The following N4BP2L2 variants were observed in gnomAD, a reference collection of about 807,000 sequenced individuals.
The protein encoded by N4BP2L2 is NEDD4 binding protein 2 like 2.
A neutral mutation model predicts 56.2 loss-of-function variants in N4BP2L2; 50 were observed. That is an observed-to-expected ratio of 0.89 (90% CI 0.71 to 1.13). The LOEUF is 1.13. Among genes scored for constraint, N4BP2L2 ranks in the 50% most tolerant of loss-of-function variants. The probability of loss-of-function intolerance (pLI) is 0.00; values close to 1 mark genes in which losing one functional copy is unlikely to be tolerated. For missense variants in N4BP2L2, 689 were observed against 693.8 expected (o/e 0.99, Z 0.08); for synonymous variants, 203 against 223.6 (o/e 0.91, Z 0.82).
intron 5 of N4BP2L2, among the ~76,000 whole-genome samples, chr13:32,520,760 T>G (rs1442084935): frequency 6.6e-6 from 1 of 151,898 alleles, no homozygotes; most frequent in East Asian, 1.9e-4. Flanking sequence ...GAGTTAGGAC[T>G]GAAAATAGAA....
intron 6 of N4BP2L2, among the ~76,000 whole-genome samples, chr13:32,487,891 T>G (rs550667277): frequency 2.0e-5 from 3 of 152,036 alleles, no homozygotes; most frequent in Admixed American, 6.6e-5. Flanking sequence ...GAGTTTTCGC[T>G]CTTGTTGCCC....
chr13:32,441,737 AT>A (rs1396666647), intron 7 of N4BP2L2, among the ~76,000 whole-genome samples: 75 of 147,130 alleles, frequency 5.1e-4, no homozygotes, highest in African/African-American at 1.7e-3. Flanking sequence ...ATAAATAAAT[AT>A]AAAAAAAGAA....
chr13:32,504,054 C>A (rs2090497140), intron 6 of N4BP2L2, among the ~76,000 whole-genome samples: 1 of 152,058 alleles, frequency 6.6e-6, no homozygotes, highest in Non-Finnish European at 1.5e-5. Context: ...AACCTGGGGT[C>A]CCCTGATGTA....
chr13:32,509,831 AAACTCC>A (rs2091494900), downstream of N4BP2L2, among the ~76,000 whole-genome samples: 1 of 152,182 alleles, frequency 6.6e-6, no homozygotes, highest in Non-Finnish European at 1.5e-5. Flanking sequence ...TTCTAAACAA[AAACTCC>A]AACTCTAACA....
exon 7 of N4BP2L2, chr13:32,443,358 A>T: frequency 6.2e-7 from 1 of 1,614,028 alleles, no homozygotes; most frequent in Non-Finnish European, 8.5e-7. Flanking sequence ...ATATAAACTT[A>T]TGAGGTCCTG....
chr13:32,481,477 A>G (rs2084735374), intron 6 of N4BP2L2, among the ~76,000 whole-genome samples: 1 of 152,150 alleles, frequency 6.6e-6, no homozygotes, highest in Admixed American at 6.5e-5. Context: ...CTCCACCCCA[A>G]GCTGATTACC....
chr13:32,482,416 C>T (rs981138871), intron 6 of N4BP2L2, among the ~76,000 whole-genome samples: 1 of 152,172 alleles, frequency 6.6e-6, no homozygotes, highest in Non-Finnish European at 1.5e-5. Context: ...AGCTGGAGTA[C>T]AGTAGTGCCA....
chr13:32,531,217 C>T (rs1208493417), intron 2 of N4BP2L2, among the ~76,000 whole-genome samples: 1 of 152,168 alleles, frequency 6.6e-6, no homozygotes, highest in Admixed American at 6.5e-5. Context: ...TAACTATAAC[C>T]AGAGTCCAGA....
At chr13:32,529,789 G>C (rs529007982) in intron 2 of N4BP2L2, among the ~76,000 whole-genome samples, 1 of 148,526 alleles carries the variant, frequency 6.7e-6, no homozygotes, top group African/African-American at 2.5e-5. Context: ...GCAGTGGTGT[G>C]ATCTCGGCTC....
intron 5 of N4BP2L2, among the ~76,000 whole-genome samples, chr13:32,520,696 A>AT (rs1566167147): frequency 2.6e-5 from 4 of 152,058 alleles, no homozygotes; most frequent in Middle Eastern, 3.2e-3. Flanking sequence ...AAGGAATAAC[A>AT]GTCAGGAAAC....
intron 6 of N4BP2L2, among the ~76,000 whole-genome samples, chr13:32,455,990 C>T (rs1188610882): frequency 6.6e-6 from 1 of 152,192 alleles, no homozygotes; most frequent in African/African-American, 2.4e-5. Context: ...AAGCACATTG[C>T]CCAGGAGACC....
At chr13:32,437,928 T>C (rs1226865774) in intron 8 of N4BP2L2, among the ~76,000 whole-genome samples, 2 of 152,228 alleles carry the variant, frequency 1.3e-5, no homozygotes, top group East Asian at 3.8e-4. Context: ...ATCCTTTTTC[T>C]AATTTAAGGT....
chr13:32,516,825 T>A (rs537109924), exon 6 of N4BP2L2: 2 of 845,402 alleles, frequency 2.4e-6, no homozygotes, highest in African/African-American at 3.7e-5. Flanking sequence ...GAGAAATGCT[T>A]AATTATCTAG....
intron 6 of N4BP2L2, chr13:32,446,418 C>T: frequency 1.5e-6 from 2 of 1,362,264 alleles, no homozygotes; most frequent in Non-Finnish European, 2.0e-6. Flanking sequence ...TGAAATTCAT[C>T]CTGCAGACTA....
chr13:32,521,881 C>T (rs2051043569), intron 4 of N4BP2L2: 1 of 322,248 alleles, frequency 3.1e-6, no homozygotes, highest in Non-Finnish European at 5.6e-6. Context: ...GTGGCTGAGG[C>T]AGGAGAATCG....
intron 6 of N4BP2L2, among the ~76,000 whole-genome samples, chr13:32,501,295 CT>C (rs1350003590): frequency 9.2e-5 from 14 of 152,060 alleles, no homozygotes. Flanking sequence ...TACAGATAGG[CT>C]GATATCACAC....
At chr13:32,467,738 G>A (rs183978128) in intron 6 of N4BP2L2, among the ~76,000 whole-genome samples, 31 of 151,096 alleles carry the variant, frequency 2.1e-4, no homozygotes, top group African/African-American at 7.3e-4. Context: ...CTTGTAATCC[G>A]AGCACTTTGG....
chr13:32,436,785 C>CAAAAAA (rs1174354861), intron 8 of N4BP2L2, among the ~76,000 whole-genome samples: 16 of 44,972 alleles, frequency 3.6e-4, no homozygotes, highest in East Asian at 1.8e-3. Flanking sequence ...GTGTGACTGT[C>CAAAAAA]AAAAAAAAAA....
At chr13:32,479,555 A>AT (rs1185922531) in intron 6 of N4BP2L2, among the ~76,000 whole-genome samples, 2 of 151,944 alleles carry the variant, frequency 1.3e-5, no homozygotes, top group African/African-American at 4.8e-5. Flanking sequence ...TGCTGGGATT[A>AT]TAGGTGTGAG....
Sources: allele counts gnomAD v4.1 joint callset (sites outside exome capture counted in the v4.1 genomes callset), GRCh38; gene constraint gnomAD v4.1.1; transcripts MANE v1.5; gene names NCBI Gene and HGNC (gene_info 2026-07-23, HGNC 2026-07-21).